PHC2: variants seen among roughly 807,000 people sequenced by gnomAD.
PHC2 encodes polyhomeotic homolog 2.
PHC2 carries 29 observed loss-of-function variants against 87.4 expected under a neutral mutation model. The observed-to-expected ratio is 0.33, with a 90% CI of 0.25 to 0.45. The LOEUF is 0.45. Ranked by LOEUF, PHC2 falls within the 20% of genes least tolerant of loss-of-function variation. PHC2 has a pLI of 1.00. For synonymous variants in PHC2, 438 were observed against 461.7 expected (o/e 0.95, Z 0.66); for missense variants, 857 against 1,136.7 (o/e 0.75, Z 3.54).
Position 33,349,306 on chromosome 1 carries a change from T to C in PHC2, c.1558+5095A>G. ...GTCGCAGCGGCGGGGAGGCCGGTCC[T>C]AGGTTGGGGCTGGGGTGGGGTGTGC... On this transcript the variant is annotated intron_variant, in intron 9 of 14. Coordinates refer to ENST00000683057, the MANE Select transcript of PHC2 (RefSeq NM_001385109.1). This position sits in a 1 kb window ranked among gnomAD's most constrained non-coding sequence, Gnocchi z 4.2. The C allele has an allele frequency of 1.0e-6, 1 of 984,978 alleles. No individual in the cohort carries two copies. The highest frequency in any genetic ancestry group is 4.7e-5 in the South Asian group (1 of 21,276). The allele number at this position is 984,978 out of a possible 1,614,324, so 61.0% of individuals were successfully genotyped here.
chr1:33,348,390 T>G (rs547679398), intron 9 of PHC2, among the ~76,000 whole-genome samples: 16 of 152,314 alleles, frequency 1.1e-4, no homozygotes, highest in Non-Finnish European at 1.9e-4. Context: ...GTTCCAACAT[T>G]TGGGTTGACT....
chr1:33,328,385 T>TTTC (rs1362648046), intron 14 of PHC2, among the ~76,000 whole-genome samples: 1 of 149,942 alleles, frequency 6.7e-6, no homozygotes, highest in Non-Finnish European at 1.5e-5. Flanking sequence ...TAAATTTTTT[T>TTTC]TTTTTTTTTT....
rs915794435 is a variant in PHC2, at chr1:33,413,166, C to T, written c.-55+17810G>A. Among the ~76,000 whole-genome samples, 10 of 152,114 alleles carry T rather than the reference C, an allele frequency of 6.6e-5. No homozygotes were observed. In the East Asian group the frequency reaches 1.9e-3, roughly 29 times the overall value. On this transcript the variant is annotated intron_variant, in intron 1 of 14. Transcript: ENST00000683057. ...ATTTTTGGTAGAAATGGGGTTTTAC[C>T]ACATTGGCCAGGCTGGTCTCGAACT...
At chr1:33,414,737 C>A (rs1366086760) in intron 1 of PHC2, among the ~76,000 whole-genome samples, 1 of 152,280 alleles carries the variant, frequency 6.6e-6, no homozygotes, top group South Asian at 2.1e-4. Flanking sequence ...TCTCCTAAAT[C>A]CTGTTTTTAA....
intron 1 of PHC2, among the ~76,000 whole-genome samples, chr1:33,385,937 C>T (rs1648722145): frequency 6.6e-6 from 1 of 151,788 alleles, no homozygotes; most frequent in Non-Finnish European, 1.5e-5. Context: ...GCTGGGATTA[C>T]AGGCCTGCAC....
At chr1:33,390,181 T>G (rs1648978226) in intron 1 of PHC2, among the ~76,000 whole-genome samples, 3 of 152,306 alleles carry the variant, frequency 2.0e-5, no homozygotes, top group African/African-American at 7.2e-5. Flanking sequence ...TCGTGCAGCA[T>G]CATCACTAGG....
rs370173676 is a variant in PHC2, at chr1:33,354,499, C to G, written c.1460G>C (p.Arg487Pro). The G allele has an allele frequency of 1.1e-5, 18 of 1,613,960 alleles. No homozygotes were observed. In the African/African-American group the frequency reaches 2.3e-4, roughly 20 times the overall value. The change falls in exon 9 of 15, where the codon CGG (arginine) becomes CCG (proline). Residue 487 changes from arginine (R) to proline (P), a missense_variant. Around this residue, in one of 3 missense-constraint regions of PHC2, gnomAD observed 832 missense variants for 1,081.8 expected, o/e 0.77. Coordinates refer to ENST00000683057, the MANE Select transcript of PHC2 (RefSeq NM_001385109.1). ...CTGCTGATGTGGTGATGGGCCAGAC[C>G]GCGTCTCAGGCACACTTTTCTCCCC... ...APGEKSVPET[R>P]SGPSPHQQAI...
rs1647318608 is a variant in PHC2, at chr1:33,364,398, A to ACG, written c.976+2717_976+2718insCG. On this transcript the variant is annotated intron_variant, in intron 7 of 14. Coordinates refer to ENST00000683057, the MANE Select transcript of PHC2 (RefSeq NM_001385109.1). The surrounding 1 kb of genome is among the most constrained non-coding windows in gnomAD (Gnocchi z 4.1). Reference sequence around the variant, plus strand: ...CACACACACACTTGCTTTCACACACACACACACACACACACACACACACAC... The same window carrying ACG: ...CACACACACACTTGCTTTCACACACACGCACACACACACACACACACACACAC... 1.7e-5 allele frequency among the ~76,000 whole-genome samples: 1 copy of ACG among 59,408 alleles called. No individual in the cohort carries two copies. Among genetic ancestry groups the ACG allele is most frequent in the African/African-American group, 1.1e-4 (1 of 8,926 alleles). 39.0% of individuals were successfully genotyped at this position (59,408 alleles called of 152,430 possible).
At chr1:33,421,288 G>A (rs774717713) in intron 1 of PHC2, among the ~76,000 whole-genome samples, 6 of 152,112 alleles carry the variant, frequency 3.9e-5, no homozygotes, top group Admixed American at 2.0e-4. Context: ...GAATAAAGAC[G>A]GGACTTTGTA....
intron 1 of PHC2, among the ~76,000 whole-genome samples, chr1:33,386,805 C>T (rs546471111): frequency 6.6e-6 from 1 of 152,228 alleles, no homozygotes; most frequent in African/African-American, 2.4e-5. Context: ...ACAGTGTGCG[C>T]ACACACACCC....
Position 33,335,349 on chromosome 1 carries a change from C to T in PHC2, c.1559-1057G>A. ...CCCCGTGAGCTGAGGCTGCCTTTAA[C>T]CTGGAACTTCCTAAAAAAGAAAAGA... On this transcript the variant is annotated intron_variant, in intron 9 of 14. Coordinates refer to ENST00000683057, the MANE Select transcript of PHC2 (RefSeq NM_001385109.1). The T allele has an allele frequency of 3.0e-6, 3 of 985,412 alleles. No homozygotes were observed. The South Asian group carries it at 1.4e-4, about 46-fold the overall frequency. The allele number at this position is 985,412 out of a possible 1,614,324, so 61.0% of individuals were successfully genotyped here.
chr1:33,384,583 T>C (rs1341393723), intron 1 of PHC2, among the ~76,000 whole-genome samples: 6 of 152,164 alleles, frequency 3.9e-5, no homozygotes, highest in Non-Finnish European at 8.8e-5. Context: ...ATTCCAGAAT[T>C]AGTCATATGC....
rs1276306678 is a variant in PHC2 at position 33,364,422 on chromosome 1, A to ACACACACACACACACACG, written c.976+2693_976+2694insCGTGTGTGTGTGTGTGTG. On this transcript the variant is annotated intron_variant, in intron 7 of 14. Transcript: ENST00000683057. This position sits in a 1 kb window ranked among gnomAD's most constrained non-coding sequence, Gnocchi z 4.1. ...CACACACACACACACACACACACAC[A>ACACACACACACACACACG]CACGCTCAAGCACGCTCTTCTCTCC... is the stretch of plus-strand genomic sequence containing the variant. Among the ~76,000 whole-genome samples the ACACACACACACACACACG allele has an allele frequency of 6.7e-6, 1 of 149,622 alleles. No individual in the cohort carries two copies. The highest frequency in any genetic ancestry group is 6.7e-5 in the Admixed American group (1 of 15,028).
chr1:33,361,242 C>CA (rs1647187423), intron 7 of PHC2, among the ~76,000 whole-genome samples: 1 of 152,164 alleles, frequency 6.6e-6, no homozygotes, highest in Non-Finnish European at 1.5e-5. Flanking sequence ...CCCATGAAGT[C>CA]AGATAGTCAG....
chr1:33,401,846 C>A (rs12137943), intron 1 of PHC2, among the ~76,000 whole-genome samples: 31,812 of 151,990 alleles, frequency 0.21, 3,392 homozygotes, highest in South Asian at 0.25. Flanking sequence ...CACAGCAAAC[C>A]TCCCAAGTTA....
chr1:33,375,230 T>G (rs938286313), intron 2 of PHC2, 136 bp downstream of exon 2: 6 of 669,714 alleles, frequency 9.0e-6, no homozygotes, highest in African/African-American at 1.8e-5. Context: ...CACAAATGTG[T>G]ATCTACGAAC....
At chr1:33,427,429 G>C (rs1650724261) in intron 1 of PHC2, among the ~76,000 whole-genome samples, 1 of 152,194 alleles carries the variant, frequency 6.6e-6, no homozygotes, top group Admixed American at 6.5e-5. Flanking sequence ...TCTTCCGCTT[G>C]ACTGTGCTGC....
chr1:33,354,163 T>C (rs1647023527), intron 9 of PHC2, among the ~76,000 whole-genome samples: 1 of 152,214 alleles, frequency 6.6e-6, no homozygotes, highest in South Asian at 2.1e-4. Context: ...TAGGCCCCAG[T>C]GTCTGGCTCT....
rs1044457154 is a variant in PHC2 at position 33,426,808 on chromosome 1, A to G, written c.-55+4168T>C. On this transcript the variant is annotated intron_variant, in intron 1 of 14. Transcript: ENST00000683057. ...CACAAAATGCTTTCCTACCTTCAGGAGGTAGTACAGATACCCTCAGGAGGT... is the reference window on the plus strand; with the variant it reads ...CACAAAATGCTTTCCTACCTTCAGGGGGTAGTACAGATACCCTCAGGAGGT... 5.9e-5 allele frequency among the ~76,000 whole-genome samples: 9 copies of G among 151,344 alleles called. No individual in the cohort carries two copies. In the East Asian group the frequency reaches 1.7e-3, roughly 29 times the overall value.
Sources: gnomAD v4.1 joint callset for allele counts (sites outside exome capture counted in the v4.1 genomes callset) on GRCh38, gnomAD v4.1.1 for gene constraint, gnomAD v4.1.1 regional missense constraint, Gnocchi (gnomAD v3.1) non-coding constraint, MANE v1.5 for transcripts, NCBI Gene and HGNC (gene_info 2026-07-23, HGNC 2026-07-21) for gene names.